KIAA1586: variants seen among roughly 807,000 people sequenced by gnomAD.
KIAA1586 encodes E3 SUMO-protein ligase KIAA1586.
In KIAA1586, 5 loss-of-function variants were observed where a neutral mutation model predicts 6.1. The observed-to-expected ratio is 0.82, with a 90% CI of 0.43 to 1.73. The LOEUF is 1.73. Ranked by LOEUF, KIAA1586 falls within the 40% of genes most tolerant of loss-of-function variation. KIAA1586 has a pLI of 0.02. For missense variants in KIAA1586, 899 were observed against 878.2 expected (o/e 1.02, Z -0.30); for synonymous variants, 280 against 301.7 (o/e 0.93, Z 0.75).
chr6:57,048,488 T>G (rs1169006721), intron 2 of KIAA1586, among the ~76,000 whole-genome samples: 2 of 152,228 alleles, frequency 1.3e-5, no homozygotes, highest in East Asian at 3.8e-4. Flanking sequence ...GTGTGTATAT[T>G]TTGTTCCTGA....
At chr6:57,059,217 A>T (rs1229694379), downstream of KIAA1586, among the ~76,000 whole-genome samples, 1 of 152,058 alleles carries the variant, frequency 6.6e-6, no homozygotes, top group Non-Finnish European at 1.5e-5. Context: ...TATGTTATAA[A>T]TTGATAATAT....
downstream of KIAA1586, among the ~76,000 whole-genome samples, chr6:57,057,824 G>C (rs1026525073): frequency 6.6e-6 from 1 of 152,016 alleles, no homozygotes; most frequent in Admixed American, 6.5e-5. Context: ...TATTTTTTGA[G>C]ACAGGGTCTT....
At chr6:57,063,406 A>G in the KIAA1586 span, among the ~76,000 whole-genome samples, 1 of 151,072 alleles carries the variant, frequency 6.6e-6, no homozygotes, top group Non-Finnish European at 1.5e-5. Flanking sequence ...AAAATAATTT[A>G]ACTTTTTTCT....
In KIAA1586 at chr6:57,053,304, G is replaced by A. The variant is rs764300120; in HGVS notation, c.805G>A (p.Ala269Thr). ...HNRPLSDIEG[A>T]RELQEKNGEV... ...CAGACCTTTATCTGATATTGAGGGG[G>A]CAAGAGAATTACAGGAAAAAAATGG... The change falls in exon 4 of 4, where the codon GCA (alanine) becomes ACA (threonine). Residue 269 changes from alanine (A) to threonine (T), a missense_variant. Ala to Thr is a moderately conservative substitution (Grantham distance 58). Coordinates refer to ENST00000370733, the MANE Select transcript of KIAA1586 (RefSeq NM_020931.4). The A allele has an allele frequency of 6.8e-6, 11 of 1,612,464 alleles. No homozygotes were observed. In the East Asian group the frequency reaches 1.3e-4, roughly 20 times the overall value.
chr6:57,054,577 C>A lies in KIAA1586; in HGVS notation c.2078C>A (p.Ala693Asp), dbSNP rs1828451031. The change falls in exon 4 of 4, where the codon GCT becomes GAT. Residue 693 changes from alanine (A) to aspartate (D), a missense_variant. Coordinates refer to ENST00000370733, the MANE Select transcript of KIAA1586 (RefSeq NM_020931.4). ...NVSIPTTIYKAKKIVSTIAIN... is the reference protein window; with the variant it reads ...NVSIPTTIYKDKKIVSTIAIN... ...TCAATTCCTACAACTATATACAAAG[C>A]TAAAAAGATAGTTAGCACCATTGCA... 2 of 1,608,078 alleles carry A rather than the reference C, an allele frequency of 1.2e-6. No individual in the cohort carries two copies. The highest frequency in any genetic ancestry group is 1.7e-6 in the Non-Finnish European group (2 of 1,176,400).
chr6:57,049,465 C>A (rs1007415344), intron 2 of KIAA1586, among the ~76,000 whole-genome samples: 3 of 152,120 alleles, frequency 2.0e-5, no homozygotes, highest in African/African-American at 7.2e-5. Flanking sequence ...GATTATCTAG[C>A]CTTCATTCTG....
chr6:57,049,896 T>C (rs1828276146), intron 2 of KIAA1586, among the ~76,000 whole-genome samples: 1 of 152,128 alleles, frequency 6.6e-6, no homozygotes. Flanking sequence ...GAGTTTGATG[T>C]TTGGCTGTAC....
the KIAA1586 span, among the ~76,000 whole-genome samples, chr6:57,063,557 A>G: frequency 6.9e-6 from 1 of 144,610 alleles, no homozygotes; most frequent in Non-Finnish European, 1.5e-5. Context: ...ATGCTCAAGC[A>G]ACTCTCCTGT....
At chr6:57,048,175 C>A (rs917955119) in intron 2 of KIAA1586, among the ~76,000 whole-genome samples, 2 of 151,840 alleles carry the variant, frequency 1.3e-5, no homozygotes, top group African/African-American at 4.9e-5. Flanking sequence ...AAAGGCTTTG[C>A]GTAAAGTGGT....
the KIAA1586 span, among the ~76,000 whole-genome samples, chr6:57,060,981 C>CT: frequency 2.3e-3 from 324 of 138,300 alleles, 1 homozygote; most frequent in African/African-American, 5.7e-3. Flanking sequence ...TATGTTCCGC[C>CT]TTTTTTTTTT....
Position 57,054,669 on chromosome 6 carries a change from A to G in KIAA1586, c.2170A>G (p.Ser724Gly). ...CATAATTTGTACAAGGGTGAGAAAT[A>G]GTTTAACAATAGATCATGTATCAGA... Reference protein sequence around the residue: ...MNIICTRVRNSLTIDHVSDLM... With the variant: ...MNIICTRVRNGLTIDHVSDLM... The change falls in exon 4 of 4, where the codon AGT (serine) becomes GGT (glycine). Residue 724 changes from serine (S) to glycine (G), a missense_variant. Ser to Gly is a moderately conservative substitution (Grantham distance 56). Transcript: ENST00000370733. 4 of 1,558,962 alleles carry G rather than the reference A, an allele frequency of 2.6e-6. No homozygotes were observed. Among genetic ancestry groups the G allele is most frequent in the Non-Finnish European group, 2.6e-6 (3 of 1,149,798 alleles).
At chr6:57,063,450 C>CTTTTTTT in the KIAA1586 span, among the ~76,000 whole-genome samples, 91 of 102,544 alleles carry the variant, frequency 8.9e-4, no homozygotes, top group Non-Finnish European at 1.1e-3. Flanking sequence ...TATGTTATTT[C>CTTTTTTT]TTTTTTTTTT....
At chr6:57,065,333 T>C in the KIAA1586 span, among the ~76,000 whole-genome samples, 1 of 152,300 alleles carries the variant, frequency 6.6e-6, no homozygotes, top group East Asian at 1.9e-4. Flanking sequence ...AATGTGCTCA[T>C]ACCAAAGAGG....
At chr6:57,056,995 G>A (rs972720436), downstream of KIAA1586, among the ~76,000 whole-genome samples, 5 of 152,016 alleles carry the variant, frequency 3.3e-5, no homozygotes, top group African/African-American at 4.8e-5. Flanking sequence ...TTGGGAGGCC[G>A]AGGCAGGTGG....
chr6:57,056,542 G>GTT (rs70989753), downstream of KIAA1586, among the ~76,000 whole-genome samples: 40 of 140,918 alleles, frequency 2.8e-4, no homozygotes, highest in East Asian at 8.3e-4. Context: ...AAGAATTAGG[G>GTT]TTTTTTTTTT....
At chr6:57,050,320 CT>C (rs529580443) in intron 2 of KIAA1586, among the ~76,000 whole-genome samples, 1,917 of 139,536 alleles carry the variant, frequency 0.014, 40 homozygotes, top group African/African-American at 0.045. Context: ...TCCCATGCCT[CT>C]TTTTTTTTTT....
chr6:57,052,663 A>G, intron 3 of KIAA1586, 23 bp from the exon 4 acceptor site: 1 of 1,508,786 alleles, frequency 6.6e-7, no homozygotes, highest in Non-Finnish European at 8.9e-7. Flanking sequence ...AATTTTACTT[A>G]CATATGTAAA....
rs753013941 is a variant in KIAA1586 at position 57,054,522 on chromosome 6, G to A, written c.2023G>A (p.Val675Ile). 3.8e-6 allele frequency: 6 copies of A among 1,594,506 alleles called. No homozygotes were observed. Among genetic ancestry groups the A allele is most frequent in the Admixed American group, 1.8e-5 (1 of 56,266 alleles). ...EVDLNDFREF[V>I]NNNIKSNNVS... Reference sequence around the variant, plus strand: ...TGATTTGAATGATTTTCGGGAATTTGTAAATAATAATATAAAATCAAACAA... The same window carrying A: ...TGATTTGAATGATTTTCGGGAATTTATAAATAATAATATAAAATCAAACAA... Residue 675 changes from valine to isoleucine, a missense_variant, in exon 4 of 4, where the codon GTA becomes ATA. By Grantham distance (29) the Val-to-Ile change is conservative (BLOSUM62 3). Transcript: ENST00000370733.
At chr6:57,066,843 GGGCAGACT>G in the KIAA1586 span, among the ~76,000 whole-genome samples, 1 of 152,028 alleles carries the variant, frequency 6.6e-6, no homozygotes, top group Non-Finnish European at 1.5e-5. Context: ...AGGTTCCCTG[GGGCAGACT>G]GGTTAGCTGC....
Sources: gnomAD v4.1 joint callset for allele counts (sites outside exome capture counted in the v4.1 genomes callset) on GRCh38, gnomAD v4.1.1 for gene constraint, MANE v1.5 for transcripts, NCBI Gene and HGNC (gene_info 2026-07-23, HGNC 2026-07-21) for gene names.